GSE1: variants seen among roughly 807,000 people sequenced by gnomAD.
GSE1 encodes Gse1 coiled-coil protein, also known as genetic suppressor element 1.
In GSE1, 32 loss-of-function variants were observed where a neutral mutation model predicts 112.6. The observed-to-expected ratio is 0.28, with a 90% CI of 0.21 to 0.38. GSE1 has a LOEUF of 0.38. Ranked by LOEUF, GSE1 falls within the 10% of genes least tolerant of loss-of-function variation. The pLI, the probability that GSE1 is intolerant of heterozygous loss-of-function variation, is 1.00. For missense variants in GSE1, 2,348 were observed against 1,699.2 expected (o/e 1.38, Z -6.71); for synonymous variants, 1,115 against 735.6 (o/e 1.52, Z -8.35).
Position 85,172,458 on chromosome 16 carries a change from G to A in GSE1, c.2283+651G>A, listed in dbSNP as rs544078084. Reference sequence around the variant, plus strand: ...CAAGTCAGCTGTGCAGGAGGCAGACGGGAGGCCTGGCACTCTCCCTGTTTA... The same window carrying A: ...CAAGTCAGCTGTGCAGGAGGCAGACAGGAGGCCTGGCACTCTCCCTGTTTA... On this transcript the variant is annotated intron_variant, in intron 1 of 2. Transcript: ENST00000637419. Among the ~76,000 whole-genome samples the A allele has an allele frequency of 2.7e-4, 41 of 152,348 alleles. 1 individual carries two copies. The highest frequency in any genetic ancestry group is 7.2e-4 in the African/African-American group (30 of 41,562).
chr16:85,617,595 C>T (rs1183015679), intron 1 of GSE1, among the ~76,000 whole-genome samples: 1 of 52,184 alleles, frequency 1.9e-5, no homozygotes, highest in Non-Finnish European at 4.0e-5. Context: ...TGTGTCAACC[C>T]TCCCCCCCCC....
chr16:85,290,513 T>C (rs1397741922), intron 1 of GSE1, among the ~76,000 whole-genome samples: 1 of 152,134 alleles, frequency 6.6e-6, no homozygotes, highest in Non-Finnish European at 1.5e-5. Context: ...CTTCTGTGTG[T>C]TCATTCCACA....
chr16:85,603,866 AG>A (rs1260890088), intron 1 of GSE1, among the ~76,000 whole-genome samples: 1 of 152,232 alleles, frequency 6.6e-6, no homozygotes, highest in Non-Finnish European at 1.5e-5. Context: ...GCCGTTTTAA[AG>A]GGTACAGTTC....
intron 2 of GSE1, among the ~76,000 whole-genome samples, chr16:85,456,797 G>C (rs940505307): frequency 6.6e-6 from 1 of 152,050 alleles, no homozygotes; most frequent in Admixed American, 6.6e-5. Context: ...GGGTCCTGGC[G>C]GGGAGAACCT....
chr16:85,604,977 C>A (rs2151499921), intron 1 of GSE1, among the ~76,000 whole-genome samples: 1 of 144,542 alleles, frequency 6.9e-6, no homozygotes, highest in South Asian at 2.3e-4. Context: ...TCCACCACGC[C>A]CGGCTAGTTT....
chr16:85,322,086 C>A (rs1189437729), intron 1 of GSE1, among the ~76,000 whole-genome samples: 1 of 152,228 alleles, frequency 6.6e-6, no homozygotes, highest in Non-Finnish European at 1.5e-5. Context: ...GGCTCTGCAC[C>A]CAGCAACTTG....
intron 1 of GSE1, chr16:85,556,404 G>C: frequency 1.1e-6 from 1 of 951,834 alleles, no homozygotes; most frequent in Non-Finnish European, 1.3e-6. Context: ...GCGCGGCGCC[G>C]GCGCGCCCGG....
At chr16:85,656,223 C>G (rs895534633) in intron 6 of GSE1, 120 bp from the exon 7 acceptor site, 11 of 1,259,618 alleles carry the variant, frequency 8.7e-6, no homozygotes, top group Non-Finnish European at 1.2e-5. Flanking sequence ...CGGCTCACCT[C>G]CCGTCACTGT....
intron 1 of GSE1, among the ~76,000 whole-genome samples, chr16:85,232,970 G>T (rs1057308961): frequency 6.6e-5 from 10 of 152,266 alleles, no homozygotes; most frequent in African/African-American, 2.4e-4. Context: ...CGGGGGCCAC[G>T]TGGGCGTCAA....
At chr16:85,468,750 C>A (rs367740446) in intron 2 of GSE1, among the ~76,000 whole-genome samples, 3 of 152,226 alleles carry the variant, frequency 2.0e-5, no homozygotes, top group African/African-American at 7.2e-5. Flanking sequence ...GAGTGGCTGC[C>A]TTTCCCCATC....
intron 1 of GSE1, among the ~76,000 whole-genome samples, chr16:85,188,132 G>A (rs753899090): frequency 2.0e-5 from 3 of 152,208 alleles, no homozygotes; most frequent in Non-Finnish European, 4.4e-5. Flanking sequence ...TGGCTGGAGG[G>A]TACCTGGGAT....
At chr16:85,363,438 T>A (rs2047124126) in intron 2 of GSE1, among the ~76,000 whole-genome samples, 1 of 152,196 alleles carries the variant, frequency 6.6e-6, no homozygotes, top group Non-Finnish European at 1.5e-5. Flanking sequence ...GGGCCAGGCC[T>A]TACCTCCAAC....
intron 1 of GSE1, among the ~76,000 whole-genome samples, chr16:85,574,205 T>C (rs1179191149): frequency 6.6e-6 from 1 of 152,142 alleles, no homozygotes; most frequent in Non-Finnish European, 1.5e-5. Flanking sequence ...GGGCCGGCCG[T>C]GGAAGTTGTA....
chr16:85,491,732 A>G (rs1252052079), intron 2 of GSE1, among the ~76,000 whole-genome samples: 1 of 151,944 alleles, frequency 6.6e-6, no homozygotes, highest in Non-Finnish European at 1.5e-5. Context: ...TCCTCCTGGG[A>G]GCCTGAAAGC....
chr16:85,457,518 T>A (rs1478807656), intron 2 of GSE1, among the ~76,000 whole-genome samples: 1 of 152,224 alleles, frequency 6.6e-6, no homozygotes, highest in East Asian at 1.9e-4. Context: ...GGTGATGAGA[T>A]GTGTCATCGT....
At chr16:85,299,538 C>A (rs1378440062) in intron 1 of GSE1, among the ~76,000 whole-genome samples, 1 of 152,358 alleles carries the variant, frequency 6.6e-6, no homozygotes, top group East Asian at 1.9e-4. Context: ...TGAACTTGTT[C>A]TTGCTTTGAG....
intron 2 of GSE1, among the ~76,000 whole-genome samples, chr16:85,427,241 T>C (rs2049014835): frequency 6.6e-6 from 1 of 152,218 alleles, no homozygotes; most frequent in Non-Finnish European, 1.5e-5. Context: ...AAAGCAACAC[T>C]GTCTACGGAT....
intron 1 of GSE1, among the ~76,000 whole-genome samples, chr16:85,604,197 C>T (rs1353687564): frequency 3.3e-5 from 5 of 152,228 alleles, no homozygotes; most frequent in African/African-American, 1.2e-4. Flanking sequence ...TAGCCCTAAG[C>T]AACTACTCCT....
rs750456050 is a variant in GSE1 at position 85,672,851 on chromosome 16, T to TA, written c.*316dup. 5 of 197,598 alleles carry TA rather than the reference T, an allele frequency of 2.5e-5. No homozygotes were observed. Among genetic ancestry groups the TA allele is most frequent in the Non-Finnish European group, 4.2e-5 (4 of 95,978 alleles). 12.2% of individuals were successfully genotyped at this position (197,598 alleles called of 1,614,324 possible). On this transcript the variant is annotated 3_prime_UTR_variant, in exon 16 of 16. Transcript: ENST00000253458. ...AACATGAAGGCTCCATTAGCAACAC[T>TA]AAAACTTGATCATTAACAGCCCCCT... is the stretch of plus-strand genomic sequence containing the variant.
Sources: allele counts gnomAD v4.1 joint callset (sites outside exome capture counted in the v4.1 genomes callset), GRCh38; gene constraint gnomAD v4.1.1; transcripts MANE v1.5; gene names NCBI Gene and HGNC (gene_info 2026-07-23, HGNC 2026-07-21).